NPPA: variants seen among roughly 807,000 people sequenced by gnomAD.
The protein encoded by NPPA is natriuretic peptides A.
A neutral mutation model predicts 12.2 loss-of-function variants in NPPA; 10 were observed. The ratio of observed to expected loss-of-function variants is 0.82; its 90% CI spans 0.50 to 1.38. The LOEUF is 1.38. Ranked by LOEUF, NPPA falls within the 40% of genes most tolerant of loss-of-function variation. NPPA has a pLI of 0.00. For synonymous variants in NPPA, 85 were observed against 80.2 expected (o/e 1.06, Z -0.32); for missense variants, 207 against 193.5 (o/e 1.07, Z -0.41).
chr1:11,846,764 C>T (rs12744757), intron 2 of NPPA, among the ~76,000 whole-genome samples: 6,184 of 151,458 alleles, frequency 0.041, 176 homozygotes, highest in Middle Eastern at 0.075. Flanking sequence ...TACAGGTGCC[C>T]GCCACCACAC....
Position 11,847,140 on chromosome 1 carries a change from C to T in NPPA, c.423G>A (p.Gln141=), listed in dbSNP as rs769872661. The change falls in exon 2 of 3, where the codon CAG becomes CAA. Residue 141 remains glutamine, a synonymous_variant. Transcript: ENST00000376480. ...FGGRMDRIGA[Q]SGLGCNSFRY is the part of the protein sequence containing the mutation. Reference sequence around the variant, plus strand: ...GGAAGCTGTTACAGCCCAGTCCGCTCTGGGCTCCAATCCTGTCCATCCTGC... The same window carrying T: ...GGAAGCTGTTACAGCCCAGTCCGCTTTGGGCTCCAATCCTGTCCATCCTGC... The T allele has an allele frequency of 2.6e-6, 4 of 1,561,168 alleles. No individual in the cohort carries two copies. The highest frequency in any genetic ancestry group is 3.5e-6 in the Non-Finnish European group (4 of 1,152,376).
In NPPA at chr1:11,847,279, C is replaced by A; in HGVS notation, c.284G>T (p.Gly95Val). The A allele has an allele frequency of 1.2e-6, 2 of 1,613,632 alleles. No homozygotes were observed. The highest frequency in any genetic ancestry group is 1.7e-6 in the Non-Finnish European group (2 of 1,179,724). Residue 95 changes from glycine (G) to valine (V), a missense_variant, in exon 2 of 3, where the codon GGT becomes GTT. Gly to Val is a moderately radical substitution (Grantham distance 109, BLOSUM62 -3). Transcript: ENST00000376480. ...GEVSPAQRDG[G>V]ALGRGPWDSS... is the part of the protein sequence containing the mutation. ...GTCCCAGGGGCCCCGCCCGAGGGCA[C>A]CTCCATCTCTCTGGGCTGGGCTGAC... is the stretch of plus-strand genomic sequence containing the variant.
At chr1:11,846,996 C>G in intron 2 of NPPA, 117 bp downstream of exon 2, 1 of 854,810 alleles carries the variant, frequency 1.2e-6, no homozygotes, top group Non-Finnish European at 1.7e-6. Flanking sequence ...ATGGGGCACT[C>G]TGGGTGTTGG....
At chr1:11,846,247 A>T (rs960182413) in intron 2 of NPPA, among the ~76,000 whole-genome samples, 1 of 151,810 alleles carries the variant, frequency 6.6e-6, no homozygotes, top group African/African-American at 2.4e-5. Flanking sequence ...AGGAATATGA[A>T]CTGCTAATCA....
rs182836309 is a variant in NPPA, at chr1:11,846,867, G to T, written c.450+246C>A. On this transcript the variant is annotated intron_variant, in intron 2 of 2. Coordinates refer to ENST00000376480, the MANE Select transcript of NPPA (RefSeq NM_006172.4). ...TTGACCTCATGATCCGCCTGCCTCGGCCTCCCAAAGTGCTGGGATTACAGG... is the reference window on the plus strand; with the variant it reads ...TTGACCTCATGATCCGCCTGCCTCGTCCTCCCAAAGTGCTGGGATTACAGG... 2.3e-3 allele frequency among the ~76,000 whole-genome samples: 345 copies of T among 151,238 alleles called. 4 individuals carry two copies. Among genetic ancestry groups the T allele is most frequent in the Non-Finnish European group, 3.9e-3 (264 of 67,886 alleles).
At position 11,847,717 on chromosome 1, in the gene NPPA, C is replaced by T. The variant is rs766097514; in HGVS notation, c.-33G>A. 1 of 1,613,598 alleles carries T rather than the reference C, an allele frequency of 6.2e-7. No individual in the cohort carries two copies. Among genetic ancestry groups the T allele is most frequent in the South Asian group, 1.1e-5 (1 of 91,046 alleles). On this transcript the variant is annotated 5_prime_UTR_variant, in exon 1 of 3. Coordinates refer to ENST00000376480, the MANE Select transcript of NPPA (RefSeq NM_006172.4). ...TCGTCAAGGAGCAATCCACTGCTTG[C>T]TGCTCTGTCTCTCCCCTCTGGTTCC...
Position 11,845,888 on chromosome 1 carries a change from TGGGA to T in NPPA, c.*117_*120del. 1.0e-6 allele frequency: 1 copy of T among 961,990 alleles called. No homozygotes were observed. The highest frequency in any genetic ancestry group is 1.7e-6 in the Non-Finnish European group (1 of 585,360). The allele number at this position is 961,990 out of a possible 1,614,324, so 59.6% of individuals were successfully genotyped here. On this transcript the variant is annotated 3_prime_UTR_variant, in exon 3 of 3. Coordinates refer to ENST00000376480, the MANE Select transcript of NPPA (RefSeq NM_006172.4). ...TGTTGACAGGAAGCTGCAGCTTAGA[TGGGA>T]TGATCACAACTCCATGGCAACAAGA...
chr1:11,845,946 G>A lies in NPPA; in HGVS notation c.*63C>T, dbSNP rs1215413717. On this transcript the variant is annotated 3_prime_UTR_variant, in exon 3 of 3. Coordinates refer to ENST00000376480, the MANE Select transcript of NPPA (RefSeq NM_006172.4). ...CACAAATGCAGCAGAGACCCCAGGGGACAGGAGCCTCTTGCAGTCTGTCCC... is the reference window on the plus strand; with the variant it reads ...CACAAATGCAGCAGAGACCCCAGGGAACAGGAGCCTCTTGCAGTCTGTCCC... 6 of 1,541,838 alleles carry A rather than the reference G, an allele frequency of 3.9e-6. No individual in the cohort carries two copies. Among genetic ancestry groups the A allele is most frequent in the Non-Finnish European group, 5.4e-6 (6 of 1,114,332 alleles).
chr1:11,845,794 A>G lies in NPPA; in HGVS notation c.*215T>C, dbSNP rs61764044. 0.047 allele frequency: 28,282 copies of G among 603,488 alleles called. 844 individuals carry two copies. Among genetic ancestry groups the G allele is most frequent in the Non-Finnish European group, 0.053 (17,806 of 333,024 alleles). The allele number at this position is 603,488 out of a possible 1,614,324, so 37.4% of individuals were successfully genotyped here. ...GAGGTTCTACCTTAAAATTTAATGC[A>G]TGGGGTGGGAGAGGCGAGGAAGTCA... On this transcript the variant is annotated 3_prime_UTR_variant, in exon 3 of 3. Coordinates refer to ENST00000376480, the MANE Select transcript of NPPA (RefSeq NM_006172.4).
At position 11,847,555 on chromosome 1, in the gene NPPA, G is replaced by T; in HGVS notation, c.123+7C>A. ...GCCCCAGACTGCACCCGCTTTCCTGGCCCTACCTTGAAATCCATCAGGTCT... is the reference window on the plus strand; with the variant it reads ...GCCCCAGACTGCACCCGCTTTCCTGTCCCTACCTTGAAATCCATCAGGTCT... On this transcript the variant is annotated splice_region_variant and intron_variant, in intron 1 of 2. Transcript: ENST00000376480. 1 of 1,614,180 alleles carries T rather than the reference G, an allele frequency of 6.2e-7. No homozygotes were observed. Among genetic ancestry groups the T allele is most frequent in the Non-Finnish European group, 8.5e-7 (1 of 1,180,020 alleles).
Position 11,847,652 on chromosome 1 carries a change from G to A in NPPA, c.33C>T (p.Phe11=), listed in dbSNP as rs1223976807. ...GGAGCTGGAATGCCAGTAAAAGGAG[G>A]AAGCTCACGGTGGTGGTGGAGAAGG... MSSFSTTTVS[F]LLLLAFQLLG... Residue 11 remains phenylalanine, a synonymous_variant, in exon 1 of 3, where the codon TTC becomes TTT. Coordinates refer to ENST00000376480, the MANE Select transcript of NPPA (RefSeq NM_006172.4). The A allele has an allele frequency of 6.2e-7, 1 of 1,614,168 alleles. No individual in the cohort carries two copies. The highest frequency in any genetic ancestry group is 8.5e-7 in the Non-Finnish European group (1 of 1,180,030).
In NPPA at chr1:11,847,670, G is replaced by A. The variant is rs61757263; in HGVS notation, c.15C>T (p.Ser5=). Residue 5 remains serine (S), a synonymous_variant, in exon 1 of 3, where the codon TCC becomes TCT. Coordinates refer to ENST00000376480, the MANE Select transcript of NPPA (RefSeq NM_006172.4). ...AAAGGAGGAAGCTCACGGTGGTGGT[G>A]GAGAAGGAGCTCATGCTGGCGTCGT... MSSF[S]TTTVSFLLLL... The A allele has an allele frequency of 1.7e-5, 27 of 1,614,024 alleles. No individual in the cohort carries two copies. The highest frequency in any genetic ancestry group is 2.0e-5 in the Non-Finnish European group (24 of 1,180,018).
rs1460856074 is a variant in NPPA at position 11,845,895 on chromosome 1, A to G, written c.*114T>C. On this transcript the variant is annotated 3_prime_UTR_variant, in exon 3 of 3. Coordinates refer to ENST00000376480, the MANE Select transcript of NPPA (RefSeq NM_006172.4). ...AGGAAGCTGCAGCTTAGATGGGATG[A>G]TCACAACTCCATGGCAACAAGATGA... The G allele has an allele frequency of 2.9e-6, 3 of 1,044,388 alleles. No individual in the cohort carries two copies. The highest frequency in any genetic ancestry group is 4.5e-6 in the Non-Finnish European group (3 of 660,148). The allele number at this position is 1,044,388 out of a possible 1,614,324, so 64.7% of individuals were successfully genotyped here.
In NPPA at chr1:11,846,619, C is replaced by CTTTTTT. The variant is rs70987207; in HGVS notation, c.450+488_450+493dup. 2.0e-4 allele frequency among the ~76,000 whole-genome samples: 22 copies of CTTTTTT among 111,740 alleles called. 8 individuals are homozygous for CTTTTTT. The highest frequency in any genetic ancestry group is 2.8e-4 in the South Asian group (1 of 3,534). The allele number at this position is 111,740 out of a possible 152,430, so 73.3% of individuals were successfully genotyped here. A position where few individuals can be genotyped will look rare whatever the true frequency, so the allele number is the denominator to read the frequency against. ...ACAGGCGTGAGCCACCGTGCCTGGC[C>CTTTTTT]TTTTTTTTTTTTTTTTGAGACAGTC... On this transcript the variant is annotated intron_variant, in intron 2 of 2. Transcript: ENST00000376480.
rs919363239 is a variant in NPPA at position 11,846,914 on chromosome 1, C to T, written c.450+199G>A. Among the ~76,000 whole-genome samples the T allele has an allele frequency of 3.9e-5, 5 of 128,554 alleles. No individual in the cohort carries two copies. The East Asian group carries it at 6.8e-4, about 17-fold the overall frequency. 84.3% of individuals were successfully genotyped at this position (128,554 alleles called of 152,430 possible). On this transcript the variant is annotated intron_variant, in intron 2 of 2. Coordinates refer to ENST00000376480, the MANE Select transcript of NPPA (RefSeq NM_006172.4). ...CAGGCGTGAGCCACTGTGCCCAGCCCCCCCCCCTTTTTTTTTTAAGCATTT... is the reference window on the plus strand; with the variant it reads ...CAGGCGTGAGCCACTGTGCCCAGCCTCCCCCCCTTTTTTTTTTAAGCATTT...
At position 11,847,594 on chromosome 1, in the gene NPPA, C is replaced by T. The variant is rs1477893541; in HGVS notation, c.91G>A (p.Ala31Thr). The change falls in exon 1 of 3, where the codon GCC (alanine) becomes ACC (threonine). Residue 31 changes from alanine to threonine, a missense_variant. By Grantham distance (58) the Ala-to-Thr change is moderately conservative. Transcript: ENST00000376480. ...GQTRANPMYN[A>T]VSNADLMDFK... ...TCCATCAGGTCTGCGTTGGACACGG[C>T]ATTGTACATGGGATTAGCTCTGGTC... 1 of 1,614,166 alleles carries T rather than the reference C, an allele frequency of 6.2e-7. No homozygotes were observed.
At chr1:11,846,558 G>A (rs1412579838) in intron 2 of NPPA, among the ~76,000 whole-genome samples, 1 of 150,412 alleles carries the variant, frequency 6.6e-6, no homozygotes, top group Non-Finnish European at 1.5e-5. Flanking sequence ...CTGACCTCGT[G>A]ATCCACCCGC....
At chr1:11,846,263 G>A (rs372886341) in intron 2 of NPPA, among the ~76,000 whole-genome samples, 1 of 151,650 alleles carries the variant, frequency 6.6e-6, no homozygotes, top group Admixed American at 6.6e-5. Flanking sequence ...AATCAGCCAT[G>A]CAAAGATAAC....
chr1:11,846,034 A>G lies in NPPA; in HGVS notation c.451-20T>C. ...TCAGTACTGCAAAGAGAACACAGAC[A>G]TATCTGGCTTGGTGACCTGGCTGTC... On this transcript the variant is annotated intron_variant, in intron 2 of 2. Transcript: ENST00000376480. 3 of 1,614,014 alleles carry G rather than the reference A, an allele frequency of 1.9e-6. No individual in the cohort carries two copies. Among genetic ancestry groups the G allele is most frequent in the African/African-American group, 2.7e-5 (2 of 75,014 alleles).
Sources: allele counts gnomAD v4.1 joint callset (sites outside exome capture counted in the v4.1 genomes callset), GRCh38; gene constraint gnomAD v4.1.1; transcripts MANE v1.5; gene names NCBI Gene and HGNC (gene_info 2026-07-23, HGNC 2026-07-21).